PPP1R16B: variants seen among roughly 807,000 people sequenced by gnomAD.
The protein encoded by PPP1R16B is protein phosphatase 1 regulatory inhibitor subunit 16B.
PPP1R16B carries 14 observed loss-of-function variants against 61.7 expected under a neutral mutation model. That is an observed-to-expected ratio of 0.23 (90% CI 0.15 to 0.35). The LOEUF is 0.35. Among genes scored for constraint, PPP1R16B ranks in the 10% least tolerant of loss-of-function variants. The pLI is 1.00. For synonymous variants in PPP1R16B, 266 were observed against 305.3 expected (o/e 0.87, Z 1.34); for missense variants, 547 against 752.5 (o/e 0.73, Z 3.19).
intron 1 of PPP1R16B, among the ~76,000 whole-genome samples, chr20:38,819,321 G>A (rs2084758601): frequency 6.6e-6 from 1 of 152,136 alleles, no homozygotes; most frequent in African/African-American, 2.4e-5. Context: ...TAGGAATGCA[G>A]TGAGTGTTCA....
intron 1 of PPP1R16B, among the ~76,000 whole-genome samples, chr20:38,819,047 A>T (rs1262169491): frequency 6.6e-6 from 1 of 152,130 alleles, no homozygotes; most frequent in Non-Finnish European, 1.5e-5. Flanking sequence ...AAGTGCTGGG[A>T]TTCAGGCATG....
At chr20:38,814,713 C>T (rs1397686211) in intron 1 of PPP1R16B, among the ~76,000 whole-genome samples, 1 of 152,138 alleles carries the variant, frequency 6.6e-6, no homozygotes, top group Non-Finnish European at 1.5e-5. Flanking sequence ...CCATTACTTA[C>T]CTGGGCATCC....
At chr20:38,817,389 CCT>C (rs1399090138) in intron 1 of PPP1R16B, among the ~76,000 whole-genome samples, 1 of 151,830 alleles carries the variant, frequency 6.6e-6, no homozygotes, top group Admixed American at 6.6e-5. Context: ...ATGGTGAAAC[CCT>C]GTCTCTACTA....
chr20:38,879,238 T>C (rs1215860102), intron 2 of PPP1R16B, among the ~76,000 whole-genome samples: 1 of 151,792 alleles, frequency 6.6e-6, no homozygotes, highest in African/African-American at 2.4e-5. Context: ...TGAGATTAAG[T>C]ACAGTGAGGG....
intron 10 of PPP1R16B, among the ~76,000 whole-genome samples, chr20:38,908,793 C>A (rs1248221521): frequency 6.6e-5 from 10 of 152,168 alleles, no homozygotes; most frequent in African/African-American, 2.4e-4. Context: ...TATTCTCTCT[C>A]AGTTCTGAAG....
intron 1 of PPP1R16B, among the ~76,000 whole-genome samples, chr20:38,822,282 C>T (rs1423614988): frequency 6.6e-6 from 1 of 151,610 alleles, no homozygotes; most frequent in East Asian, 1.9e-4. Flanking sequence ...CCTTATTTTC[C>T]AGCTGTGGTT....
chr20:38,849,592 A>G (rs1368230133), intron 2 of PPP1R16B, among the ~76,000 whole-genome samples: 1 of 151,968 alleles, frequency 6.6e-6, no homozygotes, highest in African/African-American at 2.4e-5. Context: ...ACTCATATTG[A>G]ATTTATAAGA....
At chr20:38,811,619 CTT>C (rs1185076602) in intron 1 of PPP1R16B, among the ~76,000 whole-genome samples, 1 of 152,226 alleles carries the variant, frequency 6.6e-6, no homozygotes. Context: ...GAGCATTACT[CTT>C]TTAGTCTTCT....
chr20:38,861,000 C>A (rs766475080), intron 2 of PPP1R16B, among the ~76,000 whole-genome samples: 23 of 152,166 alleles, frequency 1.5e-4, no homozygotes, highest in African/African-American at 2.2e-4. Context: ...TCCAGTAGTG[C>A]CCATCTTCCC....
chr20:38,880,585 C>T (rs1474446960), intron 2 of PPP1R16B, among the ~76,000 whole-genome samples: 1 of 152,152 alleles, frequency 6.6e-6, no homozygotes, highest in Non-Finnish European at 1.5e-5. Context: ...GGGAGGATTG[C>T]TTGAGCCCTG....
chr20:38,922,109 A>G lies in PPP1R16B; in HGVS notation c.*3443A>G, dbSNP rs2145794055. On this transcript the variant is annotated 3_prime_UTR_variant, in exon 11 of 11. Coordinates refer to ENST00000299824, the MANE Select transcript of PPP1R16B (RefSeq NM_015568.4). ...CTGGCAAGTAGCTTGGGGAAGCTGA[A>G]TAAACTCTAGGCCCAGGGCTACTAA... 1 of 152,386 alleles carries G rather than the reference A, an allele frequency of 6.6e-6. No homozygotes were observed. Among genetic ancestry groups the G allele is most frequent in the Admixed American group, 6.5e-5 (1 of 15,306 alleles). 9.4% of individuals were successfully genotyped at this position (152,386 alleles called of 1,614,324 possible).
At chr20:38,809,715 C>T (rs1279398908) in intron 1 of PPP1R16B, among the ~76,000 whole-genome samples, 4 of 152,234 alleles carry the variant, frequency 2.6e-5, no homozygotes, top group Non-Finnish European at 4.4e-5. Flanking sequence ...TGCGGTGGCT[C>T]ATGCCTGTAA....
chr20:38,876,436 C>G (rs1365576834), intron 2 of PPP1R16B, among the ~76,000 whole-genome samples: 1 of 152,126 alleles, frequency 6.6e-6, no homozygotes, highest in Non-Finnish European at 1.5e-5. Context: ...CAATGCATAA[C>G]AAGGGAGCGT....
At position 38,806,621 on chromosome 20, in the gene PPP1R16B, A is replaced by T. The variant is rs912788332; in HGVS notation, c.-102+829A>T. On this transcript the variant is annotated intron_variant, in intron 1 of 10. Coordinates refer to ENST00000299824, the MANE Select transcript of PPP1R16B (RefSeq NM_015568.4). The surrounding 1 kb of genome is among the most constrained non-coding windows in gnomAD (Gnocchi z 4.5). ...CTCCCCAAGGTCACCCGGAGTGCCC[A>T]GGCTGAGCTGCCCAGACCGCCCCGG... Among the ~76,000 whole-genome samples the T allele has an allele frequency of 6.6e-6, 1 of 152,092 alleles. No homozygotes were observed. Among genetic ancestry groups the T allele is most frequent in the Non-Finnish European group, 1.5e-5 (1 of 67,996 alleles).
At chr20:38,910,390 C>A (rs1359630670) in intron 10 of PPP1R16B, among the ~76,000 whole-genome samples, 1 of 152,224 alleles carries the variant, frequency 6.6e-6, no homozygotes, top group Admixed American at 6.5e-5. Context: ...TCCTTTCCCC[C>A]ACTCCAAATG....
intron 1 of PPP1R16B, among the ~76,000 whole-genome samples, chr20:38,815,326 C>T (rs1450984475): frequency 1.3e-5 from 2 of 152,220 alleles, no homozygotes; most frequent in Non-Finnish European, 2.9e-5. Context: ...TATCTGAGCA[C>T]ATGCCAACAC....
chr20:38,855,929 T>TAGAG (rs2085002525), intron 2 of PPP1R16B, among the ~76,000 whole-genome samples: 4 of 54,662 alleles, frequency 7.3e-5, no homozygotes, highest in Non-Finnish European at 1.3e-4. Context: ...TATATATATA[T>TAGAG]ATATATATAT....
intron 2 of PPP1R16B, among the ~76,000 whole-genome samples, chr20:38,867,884 G>A (rs2085100924): frequency 6.6e-6 from 1 of 152,162 alleles, no homozygotes; most frequent in Admixed American, 6.5e-5. Context: ...TGTTGGCCAG[G>A]CTGGCCTCAA....
chr20:38,817,474 A>T (rs941212863), intron 1 of PPP1R16B, among the ~76,000 whole-genome samples: 1 of 151,640 alleles, frequency 6.6e-6, no homozygotes, highest in Non-Finnish European at 1.5e-5. Flanking sequence ...CTGAGGCAAG[A>T]GAATCACTTG....
Sources: gnomAD v4.1 joint callset for allele counts (sites outside exome capture counted in the v4.1 genomes callset) on GRCh38, gnomAD v4.1.1 for gene constraint, Gnocchi (gnomAD v3.1) non-coding constraint, MANE v1.5 for transcripts, NCBI Gene and HGNC (gene_info 2026-07-23, HGNC 2026-07-21) for gene names.